MDGA2: variants seen among roughly 807,000 people sequenced by gnomAD.
MDGA2 encodes the protein MAM domain-containing glycosylphosphatidylinositol anchor protein 2.
In MDGA2, 40 loss-of-function variants were observed where a neutral mutation model predicts 117.8. The ratio of observed to expected loss-of-function variants is 0.34; its 90% CI spans 0.26 to 0.44. MDGA2 has a LOEUF of 0.44. MDGA2 is among the 20% of genes least tolerant of loss of function. The pLI is 1.00. For synonymous variants in MDGA2, 452 were observed against 439.0 expected, an observed-to-expected ratio of 1.03 and a Z score of -0.37; for missense variants, 1,123 against 1,250.6, an observed-to-expected ratio of 0.90 and a Z score of 1.54.
chr14:47,228,168 A>C (rs553931999), intron 2 of MDGA2, among the ~76,000 whole-genome samples: 1 of 151,078 alleles, frequency 6.6e-6, no homozygotes, highest in East Asian at 1.9e-4. Flanking sequence ...TCTTAGTTAT[A>C]AAAAAAAATA....
intron 1 of MDGA2, among the ~76,000 whole-genome samples, chr14:47,471,435 G>A (rs1893726889): frequency 6.6e-6 from 1 of 151,960 alleles, no homozygotes; most frequent in African/African-American, 2.4e-5. Flanking sequence ...TCAAAACGTG[G>A]AAGAAAAATC....
intron 2 of MDGA2, among the ~76,000 whole-genome samples, chr14:47,219,114 T>G (rs1313239507): frequency 6.6e-6 from 1 of 152,068 alleles, no homozygotes; most frequent in African/African-American, 2.4e-5. Context: ...TTTTTAAGGT[T>G]GAGAAACAGC....
At chr14:47,025,791 C>T (rs1207169050) in intron 8 of MDGA2, among the ~76,000 whole-genome samples, 3 of 152,024 alleles carry the variant, frequency 2.0e-5, no homozygotes, top group Admixed American at 6.6e-5. Context: ...TAGCAGTAGC[C>T]ATGGTCTCTA....
At chr14:47,295,687 C>T (rs1305196233) in intron 2 of MDGA2, among the ~76,000 whole-genome samples, 4 of 151,848 alleles carry the variant, frequency 2.6e-5, no homozygotes, top group East Asian at 1.9e-4. Context: ...GCGAATCACC[C>T]GAGGTCAGGA....
chr14:46,851,288 T>G (rs1881045742), intron 15 of MDGA2, among the ~76,000 whole-genome samples: 1 of 151,796 alleles, frequency 6.6e-6, no homozygotes, highest in Admixed American at 6.6e-5. Context: ...ATGAAAGAAG[T>G]AAAGCATTAA....
chr14:47,078,843 C>T (rs1890594236), intron 6 of MDGA2, among the ~76,000 whole-genome samples: 1 of 152,134 alleles, frequency 6.6e-6, no homozygotes, highest in African/African-American at 2.4e-5. Context: ...TAGGAAGCTA[C>T]TAATATTTGA....
chr14:47,186,568 C>T (rs1884918902), intron 3 of MDGA2, among the ~76,000 whole-genome samples: 1 of 151,764 alleles, frequency 6.6e-6, no homozygotes, highest in African/African-American at 2.4e-5. Flanking sequence ...CAGAGAAATC[C>T]TATGAAGCAT....
At chr14:47,424,441 T>G (rs748017050) in intron 1 of MDGA2, among the ~76,000 whole-genome samples, 1 of 151,638 alleles carries the variant, frequency 6.6e-6, no homozygotes, top group African/African-American at 2.4e-5. Flanking sequence ...TTTAAGAGCA[T>G]ATTTAATTGA....
chr14:47,083,556 A>G (rs189809332), intron 6 of MDGA2, among the ~76,000 whole-genome samples: 2 of 152,160 alleles, frequency 1.3e-5, no homozygotes, highest in East Asian at 1.9e-4. Context: ...TTGGAAACAG[A>G]AGGTAAGTTG....
chr14:47,116,014 G>T (rs922308775), intron 5 of MDGA2, among the ~76,000 whole-genome samples: 5 of 151,902 alleles, frequency 3.3e-5, no homozygotes, highest in Admixed American at 6.6e-5. Context: ...CAGAACATAT[G>T]ATCTTATTTA....
chr14:47,122,329 T>C (rs1013569787), intron 5 of MDGA2, among the ~76,000 whole-genome samples: 2 of 151,926 alleles, frequency 1.3e-5, no homozygotes. Flanking sequence ...TGCACCAACA[T>C]TAATAATTGA....
intron 6 of MDGA2, among the ~76,000 whole-genome samples, chr14:47,079,005 T>G (rs898780337): frequency 6.6e-6 from 1 of 151,834 alleles, no homozygotes; most frequent in Non-Finnish European, 1.5e-5. Flanking sequence ...CAATACAACT[T>G]TTTTTAGATT....
At chr14:46,859,731 C>T (rs921123902) in intron 14 of MDGA2, among the ~76,000 whole-genome samples, 8 of 152,116 alleles carry the variant, frequency 5.3e-5, no homozygotes, top group African/African-American at 1.9e-4. Context: ...TATCTGATAT[C>T]ATTTACTACT....
chr14:47,360,824 G>C (rs1891104251), intron 1 of MDGA2, among the ~76,000 whole-genome samples: 1 of 152,062 alleles, frequency 6.6e-6, no homozygotes, highest in Non-Finnish European at 1.5e-5. Context: ...AACAACTTAA[G>C]TGTCAGGTGG....
chr14:46,936,837 T>C (rs1457424991), intron 9 of MDGA2, among the ~76,000 whole-genome samples: 1 of 151,842 alleles, frequency 6.6e-6, no homozygotes, highest in East Asian at 1.9e-4. Flanking sequence ...GCTAACATCA[T>C]ACTGAATGAA....
intron 1 of MDGA2, among the ~76,000 whole-genome samples, chr14:47,351,571 T>C (rs1322141696): frequency 6.6e-6 from 1 of 152,198 alleles, no homozygotes; most frequent in African/African-American, 2.4e-5. Context: ...ATACAGGGTC[T>C]GAAAATCGTC....
chr14:47,156,280 A>G (rs1367607287), intron 3 of MDGA2, among the ~76,000 whole-genome samples: 2 of 152,196 alleles, frequency 1.3e-5, no homozygotes, highest in African/African-American at 2.4e-5. Flanking sequence ...ATTCTAGGCT[A>G]GAAAACTTAA....
At chr14:47,064,265 T>C (rs1262551866) in intron 6 of MDGA2, among the ~76,000 whole-genome samples, 2 of 151,974 alleles carry the variant, frequency 1.3e-5, no homozygotes, top group African/African-American at 4.8e-5. Context: ...CCTAAGTCAA[T>C]TGTACTAGTC....
intron 5 of MDGA2, among the ~76,000 whole-genome samples, chr14:47,099,201 C>G (rs1880157610): frequency 6.6e-6 from 1 of 151,810 alleles, no homozygotes; most frequent in African/African-American, 2.4e-5. Flanking sequence ...CCAAAATTTG[C>G]TAGCTTTAAA....
Sources: allele counts gnomAD v4.1 joint callset (sites outside exome capture counted in the v4.1 genomes callset), GRCh38; gene constraint gnomAD v4.1.1; transcripts MANE v1.5; gene names NCBI Gene and HGNC (gene_info 2026-07-23, HGNC 2026-07-21).